The following ABLIM1 variants were observed in gnomAD, a reference collection of about 807,000 sequenced individuals.
The protein encoded by ABLIM1 is actin binding LIM protein 1.
ABLIM1 carries 40 observed loss-of-function variants against 107.0 expected under a neutral mutation model. The observed-to-expected ratio is 0.37, with a 90% CI of 0.29 to 0.49. The LOEUF (loss-of-function observed/expected upper bound fraction) is 0.49. Ranked by LOEUF, ABLIM1 falls within the 20% of genes least tolerant of loss-of-function variation. The probability of loss-of-function intolerance (pLI) is 0.97; values close to 1 mark genes in which losing one functional copy is unlikely to be tolerated. For synonymous variants in ABLIM1, 357 were observed against 357.3 expected (o/e 1.00, Z 0.01); for missense variants, 857 against 1,008.5 (o/e 0.85, Z 2.04).
intron 8 of ABLIM1, among the ~76,000 whole-genome samples, chr10:114,479,013 T>C (rs909638940): frequency 2.6e-5 from 4 of 152,204 alleles, no homozygotes; most frequent in Non-Finnish European, 4.4e-5. Context: ...CTGGCTTTGG[T>C]GCCAAATAAC....
Position 114,718,970 on chromosome 10 carries a change from G to C in ABLIM1, c.-213+49091C>G, listed in dbSNP as rs544333648. Among the ~76,000 whole-genome samples the C allele has an allele frequency of 8.5e-5, 13 of 152,300 alleles. No homozygotes were observed. The South Asian group carries it at 2.3e-3, about 27-fold the overall frequency. ...GGAGTATAAGTGGGGCCTATAGTCA[G>C]AGGATGCCCTCATTGAAGAGTCTTT... On this transcript the variant is annotated intron_variant, in intron 1 of 15. Coordinates refer to the ABLIM1 transcript ENST00000651092.
At chr10:114,543,453 C>T (rs758212863) in intron 6 of ABLIM1, among the ~76,000 whole-genome samples, 13 of 152,200 alleles carry the variant, frequency 8.5e-5, no homozygotes, top group Non-Finnish European at 1.9e-4. Flanking sequence ...CTTAAAGGCT[C>T]ATCCTGTGGT....
chr10:114,490,128 G>A (rs1429315382), intron 7 of ABLIM1, among the ~76,000 whole-genome samples: 1 of 152,178 alleles, frequency 6.6e-6, no homozygotes, highest in Non-Finnish European at 1.5e-5. Context: ...AATCTGCTTT[G>A]TGCTGAGAAA....
At chr10:114,773,898 C>T in the ABLIM1 span, among the ~76,000 whole-genome samples, 2 of 149,200 alleles carry the variant, frequency 1.3e-5, no homozygotes, top group African/African-American at 4.9e-5. Context: ...GTAAAATGAC[C>T]ACCATTAAAA....
intron 1 of ABLIM1, among the ~76,000 whole-genome samples, chr10:114,640,379 T>C (rs1432866209): frequency 1.3e-5 from 2 of 152,082 alleles, no homozygotes; most frequent in Non-Finnish European, 2.9e-5. Context: ...ATACAAAAAT[T>C]AGCTGGGCAT....
intron 6 of ABLIM1, among the ~76,000 whole-genome samples, chr10:114,506,456 T>G (rs1418645936): frequency 6.6e-6 from 1 of 152,238 alleles, no homozygotes. Context: ...CTACAGTGGC[T>G]GAGCTAATTT....
At chr10:114,463,294 A>C (rs910388292) in intron 12 of ABLIM1, 21 of 1,004,556 alleles carry the variant, frequency 2.1e-5, no homozygotes. Context: ...AGGAGGCTGA[A>C]AAGGGAGGAA....
At chr10:114,757,504 C>T (rs996057811) in intron 1 of ABLIM1, among the ~76,000 whole-genome samples, 2 of 152,188 alleles carry the variant, frequency 1.3e-5, no homozygotes, top group Admixed American at 6.5e-5. Flanking sequence ...ATGCTATCCT[C>T]CCAGTTGCTG....
intron 4 of ABLIM1, among the ~76,000 whole-genome samples, chr10:114,557,687 T>G (rs1395174130): frequency 2.0e-5 from 3 of 150,038 alleles, no homozygotes; most frequent in East Asian, 1.9e-4. Flanking sequence ...TTTTTTTTTT[T>G]TTTTTTGGAT....
At chr10:114,520,243 TG>T (rs572643480) in intron 6 of ABLIM1, among the ~76,000 whole-genome samples, 22 of 152,366 alleles carry the variant, frequency 1.4e-4, no homozygotes, top group African/African-American at 4.8e-4. Context: ...TACATTTATA[TG>T]TCGACAAGGG....
chr10:114,478,771 C>G (rs147904831), intron 8 of ABLIM1, among the ~76,000 whole-genome samples: 2 of 152,262 alleles, frequency 1.3e-5, no homozygotes, highest in East Asian at 3.9e-4. Flanking sequence ...GATTCGGAAA[C>G]TGCTTTTTCT....
intron 3 of ABLIM1, among the ~76,000 whole-genome samples, chr10:114,573,131 C>G (rs1467233596): frequency 6.6e-6 from 1 of 152,194 alleles, no homozygotes; most frequent in Non-Finnish European, 1.5e-5. Flanking sequence ...TCCTCCCTCC[C>G]TATATCCTCT....
At chr10:114,782,522 T>C in the ABLIM1 span, among the ~76,000 whole-genome samples, 2 of 152,142 alleles carry the variant, frequency 1.3e-5, no homozygotes, top group Non-Finnish European at 2.9e-5. Flanking sequence ...GAACAGAACA[T>C]ACATGAGCTT....
intron 2 of ABLIM1, among the ~76,000 whole-genome samples, chr10:114,586,934 A>C (rs912948937): frequency 3.9e-5 from 6 of 152,206 alleles, no homozygotes; most frequent in Non-Finnish European, 2.9e-5. Flanking sequence ...TTCCTAAAAA[A>C]ATGAAACATA....
chr10:114,554,277 G>C (rs527962437), intron 4 of ABLIM1, among the ~76,000 whole-genome samples: 2 of 152,274 alleles, frequency 1.3e-5, no homozygotes, highest in South Asian at 4.1e-4. Context: ...CCTCATTGCC[G>C]GTCTCCAATT....
intron 1 of ABLIM1, among the ~76,000 whole-genome samples, chr10:114,612,172 T>C (rs1451436024): frequency 1.3e-5 from 2 of 152,176 alleles, no homozygotes; most frequent in Non-Finnish European, 2.9e-5. Context: ...GAGGGGGACC[T>C]TTAAGAGGTG....
chr10:114,765,563 C>A (rs2082872356), intron 1 of ABLIM1, among the ~76,000 whole-genome samples: 1 of 152,118 alleles, frequency 6.6e-6, no homozygotes. Flanking sequence ...CAGACAAGAG[C>A]AGATGACTGA....
intron 6 of ABLIM1, among the ~76,000 whole-genome samples, chr10:114,527,595 T>C (rs2136829969): frequency 6.6e-6 from 1 of 151,832 alleles, no homozygotes; most frequent in East Asian, 1.9e-4. Flanking sequence ...TCTCCAGTGA[T>C]GGCACAGCCC....
intron 1 of ABLIM1, among the ~76,000 whole-genome samples, chr10:114,645,188 C>T (rs572305174): frequency 6.6e-6 from 1 of 152,280 alleles, no homozygotes; most frequent in Non-Finnish European, 1.5e-5. Context: ...TTACTAGAAG[C>T]ATCAAAATGC....
Sources: gnomAD v4.1 joint callset for allele counts (sites outside exome capture counted in the v4.1 genomes callset) on GRCh38, gnomAD v4.1.1 for gene constraint, MANE v1.5 for transcripts, NCBI Gene and HGNC (gene_info 2026-07-23, HGNC 2026-07-21) for gene names.